The following LRRC4C variants were observed in gnomAD, a reference collection of about 807,000 sequenced individuals.
LRRC4C encodes leucine rich repeat containing 4C.
In LRRC4C, 5 loss-of-function variants were observed where a neutral mutation model predicts 33.6. The observed-to-expected ratio is 0.15, with a 90% confidence interval of 0.08 to 0.31. The LOEUF (loss-of-function observed/expected upper bound fraction) is 0.31. Among genes scored for constraint, LRRC4C ranks in the 10% least tolerant of loss-of-function variants. LRRC4C has a pLI of 1.00. For missense variants in LRRC4C, 560 were observed against 796.7 expected (o/e 0.70, Z 3.58); for synonymous variants, 329 against 302.0 (o/e 1.09, Z -0.93).
chr11:41,281,375 G>A (rs752059300), intron 1 of LRRC4C, among the ~76,000 whole-genome samples: 7 of 152,098 alleles, frequency 4.6e-5, no homozygotes, highest in South Asian at 2.1e-4. Flanking sequence ...TGCAGGCAAC[G>A]TATAAATATT....
At chr11:40,975,604 T>C (rs1302096634) in intron 1 of LRRC4C, among the ~76,000 whole-genome samples, 1 of 152,214 alleles carries the variant, frequency 6.6e-6, no homozygotes, top group Non-Finnish European at 1.5e-5. Context: ...TAAATATGCT[T>C]AGCCTCTACC....
intron 3 of LRRC4C, among the ~76,000 whole-genome samples, chr11:40,493,016 A>C (rs1348592595): frequency 2.6e-5 from 4 of 151,830 alleles, no homozygotes; most frequent in African/African-American, 9.7e-5. Flanking sequence ...CAGTGGCAAG[A>C]TAAAGATGCA....
intron 2 of LRRC4C, among the ~76,000 whole-genome samples, chr11:40,888,308 G>A (rs1348075755): frequency 1.3e-5 from 2 of 151,762 alleles, no homozygotes; most frequent in East Asian, 3.9e-4. Flanking sequence ...AGTTGTATGG[G>A]CTTTCTTATT....
At chr11:40,218,618 G>GATCTATCTATCTATCTATCTATC (rs1554977102) in intron 5 of LRRC4C, among the ~76,000 whole-genome samples, 5 of 141,968 alleles carry the variant, frequency 3.5e-5, no homozygotes, top group Non-Finnish European at 4.5e-5. Context: ...ATGTATGTAT[G>GATCTATCTATCTATCTATCTATC]TATGTATGTA....
intron 1 of LRRC4C, among the ~76,000 whole-genome samples, chr11:41,173,349 G>A (rs989392374): frequency 1.1e-4 from 17 of 152,088 alleles, no homozygotes; most frequent in African/African-American, 3.9e-4. Flanking sequence ...TCTGTAGGGA[G>A]GGGATCAACT....
chr11:41,344,455 C>T (rs1462454883), intron 1 of LRRC4C, among the ~76,000 whole-genome samples: 3 of 152,030 alleles, frequency 2.0e-5, no homozygotes, highest in Non-Finnish European at 4.4e-5. Context: ...CTCCTGACCT[C>T]GTGATCCGCC....
intron 3 of LRRC4C, among the ~76,000 whole-genome samples, chr11:40,595,976 A>T (rs1959245638): frequency 6.6e-6 from 1 of 152,180 alleles, no homozygotes; most frequent in Admixed American, 6.5e-5. Flanking sequence ...ATAGTTACAG[A>T]GTGCCTAAGA....
At chr11:40,463,653 T>C (rs923529000) in intron 3 of LRRC4C, among the ~76,000 whole-genome samples, 1 of 152,130 alleles carries the variant, frequency 6.6e-6, no homozygotes, top group Non-Finnish European at 1.5e-5. Flanking sequence ...TTCTAACATA[T>C]GCATTATGTA....
chr11:41,078,546 G>A (rs372458965), intron 1 of LRRC4C, among the ~76,000 whole-genome samples: 2 of 152,258 alleles, frequency 1.3e-5, no homozygotes, highest in East Asian at 3.9e-4. Flanking sequence ...TCTCACAATG[G>A]CAGGGCAGGA....
At chr11:40,245,953 C>T (rs1172342905) in intron 4 of LRRC4C, among the ~76,000 whole-genome samples, 1 of 150,104 alleles carries the variant, frequency 6.7e-6, no homozygotes, top group Non-Finnish European at 1.5e-5. Context: ...ATACATGATA[C>T]ATATTGTTAA....
chr11:40,490,512 A>G (rs1024349313), intron 3 of LRRC4C, among the ~76,000 whole-genome samples: 1 of 152,052 alleles, frequency 6.6e-6, no homozygotes, highest in Non-Finnish European at 1.5e-5. Flanking sequence ...TGCTAATAGG[A>G]GAGACTTTTA....
chr11:40,497,875 A>C (rs770634327), intron 3 of LRRC4C, among the ~76,000 whole-genome samples: 1 of 152,226 alleles, frequency 6.6e-6, no homozygotes, highest in Non-Finnish European at 1.5e-5. Flanking sequence ...AGTTCTTATA[A>C]AAACTGAATA....
chr11:40,876,246 C>T (rs1046859765), intron 2 of LRRC4C, among the ~76,000 whole-genome samples: 2 of 140,518 alleles, frequency 1.4e-5, no homozygotes, highest in Admixed American at 7.4e-5. Flanking sequence ...CAAGTCCATT[C>T]CTTCTCAGTT....
intron 3 of LRRC4C, among the ~76,000 whole-genome samples, chr11:40,462,957 C>T (rs1004290610): frequency 2.7e-5 from 4 of 147,116 alleles, no homozygotes; most frequent in African/African-American, 1.0e-4. Flanking sequence ...GGAGGTCTCA[C>T]ATCATACTTA....
chr11:40,891,940 C>G (rs910462485), intron 2 of LRRC4C, among the ~76,000 whole-genome samples: 1 of 151,818 alleles, frequency 6.6e-6, no homozygotes, highest in Non-Finnish European at 1.5e-5. Flanking sequence ...TCGAGACCAT[C>G]CTGGCTAACA....
At chr11:41,192,019 T>C (rs1413460278) in intron 1 of LRRC4C, among the ~76,000 whole-genome samples, 1 of 152,132 alleles carries the variant, frequency 6.6e-6, no homozygotes. Flanking sequence ...ATTCAGATCA[T>C]TTTCAGTTAC....
At chr11:40,825,633 A>G (rs577499612) in intron 2 of LRRC4C, among the ~76,000 whole-genome samples, 4 of 152,094 alleles carry the variant, frequency 2.6e-5, no homozygotes, top group African/African-American at 9.6e-5. Flanking sequence ...GTCACAATAC[A>G]TAGCTGGTTT....
rs1446363313 is a variant in LRRC4C, at chr11:41,344,229, T to TC, written c.-496+115201_-496+115202insG. Among the ~76,000 whole-genome samples, 11 of 147,802 alleles carry TC rather than the reference T, an allele frequency of 7.4e-5. No homozygotes were observed. In the East Asian group the frequency reaches 1.6e-3, roughly 21 times the overall value. On this transcript the variant is annotated intron_variant, in intron 1 of 6. Coordinates refer to ENST00000528697, the MANE Select transcript of LRRC4C (RefSeq NM_001258419.2). Reference sequence around the variant, plus strand: ...TTTGCTCCTCTGTGAAGCCTTTCTTTTTTTTTTTTTTTTTTGCGATGGAGT... The same window carrying TC: ...TTTGCTCCTCTGTGAAGCCTTTCTTTCTTTTTTTTTTTTTTTGCGATGGAGT...
At chr11:40,456,561 A>T (rs763845500) in intron 3 of LRRC4C, among the ~76,000 whole-genome samples, 27 of 152,130 alleles carry the variant, frequency 1.8e-4, no homozygotes, top group Non-Finnish European at 3.2e-4. Flanking sequence ...TGATTTCTAA[A>T]TGAAGTTTTA....
Sources: gnomAD v4.1 joint callset for allele counts (sites outside exome capture counted in the v4.1 genomes callset) on GRCh38, gnomAD v4.1.1 for gene constraint, MANE v1.5 for transcripts, NCBI Gene and HGNC (gene_info 2026-07-23, HGNC 2026-07-21) for gene names.